The following ZFHX3 variants were observed in gnomAD, a reference collection of about 807,000 sequenced individuals.
ZFHX3 encodes zinc finger homeobox protein 3.
Under a neutral mutation model 279.1 loss-of-function variants are expected in ZFHX3, and 42 were observed. The observed-to-expected ratio is 0.15, with a 90% CI of 0.12 to 0.19. The LOEUF (loss-of-function observed/expected upper bound fraction) is 0.19, where lower values mean the gene tolerates loss of function less well. ZFHX3 is among the 10% of genes least tolerant of loss of function. The probability of loss-of-function intolerance (pLI) is 1.00; values close to 1 mark genes in which losing one functional copy is unlikely to be tolerated. For missense variants in ZFHX3, 4,981 were observed against 4,754.0 expected (o/e 1.05, Z -1.40); for synonymous variants, 2,293 against 1,957.8 (o/e 1.17, Z -4.52).
At chr16:73,794,935 T>C (rs181317413) in intron 1 of ZFHX3, among the ~76,000 whole-genome samples, 1 of 152,248 alleles carries the variant, frequency 6.6e-6, no homozygotes, top group East Asian at 1.9e-4. Context: ...TTCATTACCA[T>C]AAAAAAAGTG....
At chr16:73,777,504 G>A (rs1231628400) in intron 1 of ZFHX3, among the ~76,000 whole-genome samples, 4 of 42,296 alleles carry the variant, frequency 9.5e-5, no homozygotes, top group African/African-American at 4.0e-4. Context: ...GTGAGACTCT[G>A]TCTCAAAAAA....
At chr16:72,821,746 G>A (rs2036797254) in intron 5 of ZFHX3, among the ~76,000 whole-genome samples, 1 of 152,130 alleles carries the variant, frequency 6.6e-6, no homozygotes, top group African/African-American at 2.4e-5. Context: ...GGATAACACT[G>A]TCTACACATG....
intron 2 of ZFHX3, among the ~76,000 whole-genome samples, chr16:73,678,060 A>G (rs1209554423): frequency 6.6e-6 from 1 of 152,190 alleles, no homozygotes; most frequent in Non-Finnish European, 1.5e-5. Context: ...AAATTTTGTA[A>G]GAGAAGAACA....
intron 2 of ZFHX3, among the ~76,000 whole-genome samples, chr16:73,623,813 C>T (rs560628105): frequency 3.9e-5 from 6 of 152,222 alleles, no homozygotes; most frequent in African/African-American, 1.2e-4. Flanking sequence ...GTTGAGCAGC[C>T]GTGACTGACT....
chr16:72,858,671 C>T (rs1281270419), intron 4 of ZFHX3, among the ~76,000 whole-genome samples: 1 of 152,192 alleles, frequency 6.6e-6, no homozygotes, highest in Non-Finnish European at 1.5e-5. Context: ...GCATGATTAC[C>T]CCTTGGAGGC....
At chr16:73,646,340 A>G (rs2052618213) in intron 2 of ZFHX3, among the ~76,000 whole-genome samples, 1 of 152,186 alleles carries the variant, frequency 6.6e-6, no homozygotes, top group Non-Finnish European at 1.5e-5. Flanking sequence ...CCACCTCATA[A>G]TCTAAGATAT....
chr16:72,862,032 T>C (rs903953986), intron 4 of ZFHX3, among the ~76,000 whole-genome samples: 1 of 152,068 alleles, frequency 6.6e-6, no homozygotes, highest in African/African-American at 2.4e-5. Context: ...AAAGAATAGA[T>C]AGAACTGGAA....
chr16:73,728,019 C>CCT (rs1555535420), intron 1 of ZFHX3, among the ~76,000 whole-genome samples: 1 of 95,902 alleles, frequency 1.0e-5, no homozygotes, highest in Non-Finnish European at 2.0e-5. Flanking sequence ...AATTGTGCCC[C>CCT]CCCCCCGCCC....
chr16:73,619,264 G>A (rs991032486), intron 2 of ZFHX3, among the ~76,000 whole-genome samples: 3 of 151,960 alleles, frequency 2.0e-5, no homozygotes, highest in African/African-American at 7.3e-5. Flanking sequence ...TGAGGCAGGT[G>A]GATCATGAGG....
chr16:73,448,096 G>C (rs182843602), intron 3 of ZFHX3, among the ~76,000 whole-genome samples: 8 of 152,252 alleles, frequency 5.3e-5, no homozygotes, highest in East Asian at 1.9e-4. Context: ...GTGTGTTTGT[G>C]GGGGCAGGGG....
At position 73,251,619 on chromosome 16, in the gene ZFHX3, AT is replaced by A. The variant is rs1167110244; in HGVS notation, c.-1104+5427del. 6.6e-5 allele frequency among the ~76,000 whole-genome samples: 10 copies of A among 152,250 alleles called. 1 individual carries two copies. The South Asian group carries it at 2.1e-3, about 32-fold the overall frequency. ...TCTCATTCTTTCTGGAAGGCTGGAT[AT>A]TCCAAATGAAAAACAGATAGATTAG... On this transcript the variant is annotated intron_variant, in intron 5 of 17. Transcript: ENST00000641206.
At chr16:73,801,140 T>C (rs986382155) in intron 1 of ZFHX3, among the ~76,000 whole-genome samples, 8 of 152,238 alleles carry the variant, frequency 5.3e-5, no homozygotes, top group African/African-American at 1.9e-4. Context: ...TTCAATTATA[T>C]AGCATATGTT....
At chr16:73,233,587 C>A (rs2012847322) in intron 5 of ZFHX3, among the ~76,000 whole-genome samples, 1 of 152,174 alleles carries the variant, frequency 6.6e-6, no homozygotes, top group Admixed American at 6.5e-5. Flanking sequence ...GATCGTCTGC[C>A]ATTTGGACAG....
intron 1 of ZFHX3, among the ~76,000 whole-genome samples, chr16:73,742,006 G>C (rs1416373995): frequency 1.3e-5 from 2 of 152,192 alleles, no homozygotes; most frequent in African/African-American, 4.8e-5. Context: ...ATTGCTCCTA[G>C]TGACATTAAG....
chr16:73,378,895 C>A (rs1241946316), intron 3 of ZFHX3, among the ~76,000 whole-genome samples: 1 of 152,190 alleles, frequency 6.6e-6, no homozygotes, highest in African/African-American at 2.4e-5. Flanking sequence ...GTAGTACCTT[C>A]CCATGCTTCA....
At chr16:73,110,066 C>A in intron 7 of ZFHX3, among the ~76,000 whole-genome samples, 1 of 151,558 alleles carries the variant, frequency 6.6e-6, no homozygotes, top group East Asian at 2.0e-4. Flanking sequence ...TGGTGAAACC[C>A]CATCTCTACT....
chr16:73,176,766 G>A (rs1967675694), intron 5 of ZFHX3, among the ~76,000 whole-genome samples: 1 of 151,982 alleles, frequency 6.6e-6, no homozygotes. Flanking sequence ...GTGGAAAAAA[G>A]TCTTCTTCTT....
At chr16:73,214,276 C>T (rs2012119705) in intron 5 of ZFHX3, among the ~76,000 whole-genome samples, 1 of 152,204 alleles carries the variant, frequency 6.6e-6, no homozygotes, top group Non-Finnish European at 1.5e-5. Context: ...CCCACTGGGG[C>T]TACCAGGCTG....
At chr16:73,516,008 A>T (rs1241496875) in intron 2 of ZFHX3, among the ~76,000 whole-genome samples, 1 of 152,214 alleles carries the variant, frequency 6.6e-6, no homozygotes, top group East Asian at 1.9e-4. Context: ...TATGAAATAC[A>T]TTTATATTCA....
Sources: allele counts gnomAD v4.1 joint callset (sites outside exome capture counted in the v4.1 genomes callset), GRCh38; gene constraint gnomAD v4.1.1; transcripts MANE v1.5; gene names NCBI Gene and HGNC (gene_info 2026-07-23, HGNC 2026-07-21).